ZNF516: variants seen among roughly 807,000 people sequenced by gnomAD.
The protein encoded by ZNF516 is zinc finger protein 516.
A neutral mutation model predicts 79.7 loss-of-function variants in ZNF516; 19 were observed. The ratio of observed to expected loss-of-function variants is 0.24; its 90% CI spans 0.17 to 0.35. The LOEUF (loss-of-function observed/expected upper bound fraction) is 0.35, where lower values mean the gene tolerates loss of function less well. Ranked by LOEUF, ZNF516 falls within the 10% of genes least tolerant of loss-of-function variation. The probability of loss-of-function intolerance (pLI) is 1.00; values close to 1 mark genes in which losing one functional copy is unlikely to be tolerated. For synonymous variants in ZNF516, 877 were observed against 739.5 expected (o/e 1.19, Z -3.02); for missense variants, 1,678 against 1,679.5 (o/e 1.00, Z 0.02).
At position 76,359,339 on chromosome 18, in the gene ZNF516, G is replaced by C. The variant is rs973375704; in HGVS notation, c.*3159C>G. The C allele has an allele frequency of 2.6e-5, 4 of 152,146 alleles. No homozygotes were observed. The highest frequency in any genetic ancestry group is 6.5e-5 in the Admixed American group (1 of 15,274). The allele number at this position is 152,146 out of a possible 1,614,324, so 9.4% of individuals were successfully genotyped here. A position where few individuals can be genotyped will look rare whatever the true frequency, so the allele number is the denominator to read the frequency against. ...CTGTATGGTGCTGAGAATGAAATCT[G>C]TCCGTCTAAGATGACAATAAGACCT... is the stretch of plus-strand genomic sequence containing the variant. On this transcript the variant is annotated 3_prime_UTR_variant, in exon 7 of 7. Transcript: ENST00000443185.
chr18:76,367,199 C>G (rs1485323400), intron 6 of ZNF516, among the ~76,000 whole-genome samples: 3 of 152,184 alleles, frequency 2.0e-5, no homozygotes, highest in African/African-American at 7.2e-5. Context: ...CCATTCCCTC[C>G]TGTCCCTCAC....
At chr18:76,413,612 C>T (rs1452061393) in intron 3 of ZNF516, among the ~76,000 whole-genome samples, 2 of 152,120 alleles carry the variant, frequency 1.3e-5, no homozygotes, top group Non-Finnish European at 2.9e-5. Context: ...CCCTCGAATA[C>T]CTCAGCACAC....
rs374688744 is a variant in ZNF516 at position 76,380,300 on chromosome 18, C to A, written c.1814G>T (p.Gly605Val). 7.7e-5 allele frequency: 124 copies of A among 1,612,624 alleles called. No individual in the cohort carries two copies. Among genetic ancestry groups the A allele is most frequent in the Non-Finnish European group, 1.0e-4 (120 of 1,179,506 alleles). ...GGAAAAGCAGCAGCGGCGCGGCTGT[C>A]CCCCTAGAGGAGGCAAAATATGAAA... ...EEGAPEPAPG[G>V]QPRRCCFSEE... The change falls in exon 4 of 7, where the codon GGA becomes GTA. Residue 605 changes from glycine to valine, a missense_variant. Physicochemically the swap from Gly to Val is moderately radical, Grantham distance 109 (BLOSUM62 -3). Around this residue, in one of 5 missense-constraint regions of ZNF516, gnomAD observed 1,294 missense variants for 1,248.3 expected, o/e 1.04. Coordinates refer to ENST00000443185, the MANE Select transcript of ZNF516 (RefSeq NM_014643.4).
intron 3 of ZNF516, among the ~76,000 whole-genome samples, chr18:76,414,906 T>C (rs1011286479): frequency 6.6e-6 from 1 of 152,232 alleles, no homozygotes; most frequent in Non-Finnish European, 1.5e-5. Flanking sequence ...TACAAAAAAA[T>C]AGTAGTTTAC....
intron 6 of ZNF516, among the ~76,000 whole-genome samples, chr18:76,367,221 A>G (rs2074626949): frequency 6.6e-6 from 1 of 152,012 alleles, no homozygotes; most frequent in South Asian, 2.1e-4. Context: ...TTCCAAGCCC[A>G]ATCCCTCTGT....
At chr18:76,375,820 C>T (rs555051959) in intron 4 of ZNF516, among the ~76,000 whole-genome samples, 3 of 147,984 alleles carry the variant, frequency 2.0e-5, no homozygotes, top group East Asian at 2.1e-4. Flanking sequence ...GGGAAGGCCC[C>T]GAAGACCAGG....
chr18:76,419,429 G>A (rs1397115243), intron 3 of ZNF516, among the ~76,000 whole-genome samples: 2 of 152,160 alleles, frequency 1.3e-5, no homozygotes, highest in African/African-American at 4.8e-5. Context: ...TCCCTTATCT[G>A]CATTTTCTAC....
At position 76,360,646 on chromosome 18, in the gene ZNF516, A is replaced by AAAAAAAAATATATAT. The variant is rs373540251; in HGVS notation, c.*1851_*1852insATATATATTTTTTTT. ...AAAAAAATAAGTAAAAAAAAAAAAAAATATATATATATATATATATATATA... is the reference window on the plus strand; with the variant it reads ...AAAAAAATAAGTAAAAAAAAAAAAAAAAAAAAAATATATATATATATATATATATATATATATATA... On this transcript the variant is annotated 3_prime_UTR_variant, in exon 7 of 7. Transcript: ENST00000443185. 4 of 72,462 alleles carry AAAAAAAAATATATAT rather than the reference A, an allele frequency of 5.5e-5. No individual in the cohort carries two copies. Among genetic ancestry groups the AAAAAAAAATATATAT allele is most frequent in the Non-Finnish European group, 8.1e-5 (3 of 36,926 alleles). The allele number at this position is 72,462 out of a possible 1,614,324, so 4.5% of individuals were successfully genotyped here. A position where few individuals can be genotyped will look rare whatever the true frequency, so the allele number is the denominator to read the frequency against.
intron 1 of ZNF516, chr18:76,488,345 C>A: frequency 1.3e-6 from 1 of 761,510 alleles, no homozygotes; most frequent in Non-Finnish European, 1.6e-6. Flanking sequence ...CCAGGAAAGG[C>A]CTTTTTGCGG....
chr18:76,373,682 T>G (rs1409891955), intron 4 of ZNF516, among the ~76,000 whole-genome samples: 1 of 152,276 alleles, frequency 6.6e-6, no homozygotes, highest in Non-Finnish European at 1.5e-5. Context: ...TCATCCGTGC[T>G]TATTTCCTTG....
intron 1 of ZNF516, among the ~76,000 whole-genome samples, chr18:76,471,784 C>G (rs1913857940): frequency 6.6e-6 from 1 of 152,160 alleles, no homozygotes; most frequent in South Asian, 2.1e-4. Context: ...CCCTAAGATC[C>G]CTATCTTACT....
intron 1 of ZNF516, among the ~76,000 whole-genome samples, chr18:76,481,493 G>A (rs1191311404): frequency 1.3e-5 from 2 of 152,146 alleles, no homozygotes; most frequent in Non-Finnish European, 2.9e-5. Context: ...CTCCACACAG[G>A]GTAACAAGCA....
intron 3 of ZNF516, among the ~76,000 whole-genome samples, chr18:76,396,821 G>C (rs1026268000): frequency 6.6e-6 from 1 of 152,204 alleles, no homozygotes; most frequent in Non-Finnish European, 1.5e-5. Flanking sequence ...GAGCACCGCT[G>C]TCAGACGATG....
chr18:76,433,279 C>A (rs970575826), intron 3 of ZNF516, among the ~76,000 whole-genome samples: 9 of 152,220 alleles, frequency 5.9e-5, no homozygotes, highest in African/African-American at 2.2e-4. Flanking sequence ...CCATGGAGTT[C>A]GCTGTCAACT....
chr18:76,379,405 C>G lies in ZNF516; in HGVS notation c.2709G>C (p.Gly903=), dbSNP rs763307802. The G allele has an allele frequency of 3.4e-5, 54 of 1,606,552 alleles. No homozygotes were observed. Among genetic ancestry groups the G allele is most frequent in the Non-Finnish European group, 4.5e-5 (53 of 1,176,364 alleles). ...GQEPHGAATQ[G]PLAKPRQEAS... Reference sequence around the variant, plus strand: ...CCTCCTGCCTGGGCTTGGCCAGGGGCCCCTGTGTGGCCGCGCCATGTGGCT... The same window carrying G: ...CCTCCTGCCTGGGCTTGGCCAGGGGGCCCTGTGTGGCCGCGCCATGTGGCT... The change falls in exon 4 of 7, where the codon GGG becomes GGC. Residue 903 remains glycine (G), a synonymous_variant. Coordinates refer to ENST00000443185, the MANE Select transcript of ZNF516 (RefSeq NM_014643.4).
intron 1 of ZNF516, among the ~76,000 whole-genome samples, chr18:76,468,267 G>T (rs940893521): frequency 2.6e-5 from 4 of 152,164 alleles, no homozygotes; most frequent in African/African-American, 4.8e-5. Context: ...TGCTCTTTTA[G>T]TAAGAAAAAC....
At chr18:76,496,269 C>T, upstream of ZNF516, 3 of 1,286,710 alleles carry the variant, frequency 2.3e-6, no homozygotes, top group Non-Finnish European at 3.0e-6. Flanking sequence ...ACACTATCTT[C>T]TCCCACCAGG....
At chr18:76,486,422 G>A (rs1275971664) in intron 1 of ZNF516, among the ~76,000 whole-genome samples, 1 of 152,124 alleles carries the variant, frequency 6.6e-6, no homozygotes, top group Admixed American at 6.5e-5. Flanking sequence ...GGGAAGAGTG[G>A]GGGATTAGAG....
intron 1 of ZNF516, among the ~76,000 whole-genome samples, chr18:76,471,050 C>T (rs979822708): frequency 3.9e-5 from 6 of 152,126 alleles, no homozygotes; most frequent in Admixed American, 6.5e-5. Flanking sequence ...TTTAAAAACA[C>T]CTTTCAGATA....
Sources: gnomAD v4.1 joint callset for allele counts (sites outside exome capture counted in the v4.1 genomes callset) on GRCh38, gnomAD v4.1.1 for gene constraint, gnomAD v4.1.1 regional missense constraint, MANE v1.5 for transcripts, NCBI Gene and HGNC (gene_info 2026-07-23, HGNC 2026-07-21) for gene names.